SLC30A6: variants seen among roughly 807,000 people sequenced by gnomAD.
The protein encoded by SLC30A6 is solute carrier family 30 member 6, also known as zinc transporter 6.
Under a neutral mutation model 63.0 loss-of-function variants are expected in SLC30A6, and 55 were observed. That is an observed-to-expected ratio of 0.87 (90% CI 0.70 to 1.09). SLC30A6 has a LOEUF of 1.09. SLC30A6 is among the 50% of genes least tolerant of loss of function. The pLI is 0.00. For missense variants in SLC30A6, 587 were observed against 549.2 expected (o/e 1.07, Z -0.69); for synonymous variants, 224 against 186.1 (o/e 1.20, Z -1.66).
chr2:32,200,240 G>T (rs1049594067), intron 10 of SLC30A6, among the ~76,000 whole-genome samples: 7 of 151,958 alleles, frequency 4.6e-5, no homozygotes, highest in African/African-American at 1.7e-4. Context: ...TGGTCTTCTA[G>T]TTTTCATTCT....
chr2:32,197,842 T>C lies in SLC30A6; in HGVS notation c.665+16T>C, dbSNP rs1324636318. ...TTGAAATTAAGTGAGTATTTTTTAT[T>C]GTTGTCAAGTATGTTTTGATTTCTG... On this transcript the variant is annotated intron_variant, in intron 10 of 13. Transcript: ENST00000282587. 34 of 1,612,662 alleles carry C rather than the reference T, an allele frequency of 2.1e-5. No homozygotes were observed. Among genetic ancestry groups the C allele is most frequent in the Non-Finnish European group, 2.8e-5 (33 of 1,179,428 alleles).
chr2:32,188,402 T>G (rs996155748), intron 5 of SLC30A6, among the ~76,000 whole-genome samples: 7 of 152,078 alleles, frequency 4.6e-5, no homozygotes, highest in Admixed American at 6.6e-5. Context: ...CTTTAAAAGG[T>G]AAATTTCAGA....
chr2:32,202,074 T>A (rs1573372543), intron 10 of SLC30A6: 1 of 842,322 alleles, frequency 1.2e-6, no homozygotes, highest in Non-Finnish European at 1.8e-6. Flanking sequence ...ATGAATCAAG[T>A]GATAAGAAGC....
In SLC30A6 at chr2:32,192,329, G is replaced by A; in HGVS notation, c.285-7G>A. 1 of 1,613,616 alleles carries A rather than the reference G, an allele frequency of 6.2e-7. No homozygotes were observed. Among genetic ancestry groups the A allele is most frequent in the Non-Finnish European group, 8.5e-7 (1 of 1,179,638 alleles). On this transcript the variant is annotated splice_polypyrimidine_tract_variant and splice_region_variant and intron_variant, in intron 5 of 13. Transcript: ENST00000282587. ...TTGTGATGATCTAATTAATGTTTTG[G>A]TTTCAGGTTTGAAAGATTAGAAGTC...
chr2:32,185,206 T>G (rs1470143294), intron 5 of SLC30A6, among the ~76,000 whole-genome samples: 1 of 152,060 alleles, frequency 6.6e-6, no homozygotes, highest in African/African-American at 2.4e-5. Context: ...CAAAAAATGT[T>G]TTTAATTAGC....
chr2:32,203,457 C>A, intron 10 of SLC30A6: 1 of 1,566,100 alleles, frequency 6.4e-7, no homozygotes. Context: ...CAGATACTGA[C>A]AGAAGAGAAA....
chr2:32,204,653 G>A lies in SLC30A6; in HGVS notation c.729G>A (p.Met243Ile). ...IAIALMTFGT[M>I]YPMSVYSGKV... ...TTGCCTTGATGACATTTGGCACTAT[G>A]TATCCCATGAGTGTGTACAGTGGGA... The change falls in exon 11 of 14, where the codon ATG (methionine) becomes ATA (isoleucine). Residue 243 changes from methionine (M) to isoleucine (I), a missense_variant. Met to Ile is a conservative substitution (Grantham distance 10, BLOSUM62 1). Coordinates refer to ENST00000282587, the MANE Select transcript of SLC30A6 (RefSeq NM_017964.5). 1 of 1,612,910 alleles carries A rather than the reference G, an allele frequency of 6.2e-7. No homozygotes were observed. Among genetic ancestry groups the A allele is most frequent in the Middle Eastern group, 1.7e-4 (1 of 6,050 alleles).
intron 13 of SLC30A6, among the ~76,000 whole-genome samples, chr2:32,216,912 G>A (rs1407338937): frequency 2.0e-5 from 3 of 151,068 alleles, no homozygotes; most frequent in Non-Finnish European, 2.9e-5. Flanking sequence ...TTTTTTAGAC[G>A]AAGTCTAGCT....
intron 3 of SLC30A6, among the ~76,000 whole-genome samples, chr2:32,174,670 C>T (rs1681564697): frequency 6.7e-6 from 1 of 148,894 alleles, no homozygotes; most frequent in Non-Finnish European, 1.5e-5. Context: ...TCTCCTGCCT[C>T]AGCCTCCCAA....
chr2:32,183,528 AT>A (rs1257331643), intron 4 of SLC30A6, among the ~76,000 whole-genome samples: 8 of 151,522 alleles, frequency 5.3e-5, no homozygotes, highest in East Asian at 2.0e-4. Flanking sequence ...CTAAAAAAAA[AT>A]ATATAAAAAT....
At chr2:32,204,854 C>G (rs1033960345) in intron 11 of SLC30A6, among the ~76,000 whole-genome samples, 162 bp downstream of exon 11, 1 of 144,222 alleles carries the variant, frequency 6.9e-6, no homozygotes, top group African/African-American at 2.6e-5. Context: ...TGCTCTGTCA[C>G]CTAGACTGGA....
chr2:32,204,310 A>G (rs1684554653), intron 10 of SLC30A6, among the ~76,000 whole-genome samples: 2 of 152,228 alleles, frequency 1.3e-5, no homozygotes, highest in Non-Finnish European at 2.9e-5. Flanking sequence ...TTGACAAAAA[A>G]ATGCCTGACG....
intron 5 of SLC30A6, among the ~76,000 whole-genome samples, chr2:32,184,885 C>T (rs1026590021): frequency 8.5e-5 from 13 of 152,060 alleles, no homozygotes; most frequent in Admixed American, 3.3e-4. Flanking sequence ...AAAAAGTTCA[C>T]GTTAAGTTCT....
intron 11 of SLC30A6, among the ~76,000 whole-genome samples, chr2:32,205,956 A>G (rs1684732041): frequency 1.3e-5 from 2 of 151,626 alleles, no homozygotes; most frequent in African/African-American, 4.8e-5. Context: ...GGCGTGAGCC[A>G]CTGCACCCGG....
At chr2:32,199,799 C>T (rs1346134740) in intron 10 of SLC30A6, among the ~76,000 whole-genome samples, 1 of 152,094 alleles carries the variant, frequency 6.6e-6, no homozygotes, top group East Asian at 1.9e-4. Flanking sequence ...CGTCTCCAAG[C>T]CTTGTGTAAT....
intron 13 of SLC30A6, among the ~76,000 whole-genome samples, chr2:32,213,970 T>C (rs574884559): frequency 3.9e-5 from 6 of 152,108 alleles, no homozygotes; most frequent in Non-Finnish European, 7.4e-5. Flanking sequence ...TGAAACTGCT[T>C]TGTGATGTGT....
chr2:32,207,307 C>T (rs954551197), intron 12 of SLC30A6, among the ~76,000 whole-genome samples: 1 of 151,692 alleles, frequency 6.6e-6, no homozygotes, highest in Non-Finnish European at 1.5e-5. Flanking sequence ...ACCTCCCAGG[C>T]TCAAGCAATT....
In SLC30A6 at chr2:32,175,934, C is replaced by T. The variant is rs763667859; in HGVS notation, c.218+573C>T. Among the ~76,000 whole-genome samples, 87 of 152,108 alleles carry T rather than the reference C, an allele frequency of 5.7e-4. 2 individuals are homozygous for T. The highest frequency in any genetic ancestry group is 3.2e-3 in the Middle Eastern group (1 of 316). On this transcript the variant is annotated intron_variant, in intron 4 of 13. Coordinates refer to ENST00000282587, the MANE Select transcript of SLC30A6 (RefSeq NM_017964.5). ...GTTGCAGTGAGCCGAGATTGTGCCACCACACTCCAGCCTGGGCAACGAGCG... is the reference window on the plus strand; with the variant it reads ...GTTGCAGTGAGCCGAGATTGTGCCATCACACTCCAGCCTGGGCAACGAGCG...
intron 4 of SLC30A6, among the ~76,000 whole-genome samples, chr2:32,180,921 C>T (rs1682253239): frequency 6.6e-6 from 1 of 152,124 alleles, no homozygotes; most frequent in Non-Finnish European, 1.5e-5. Context: ...TTTAGAGGCT[C>T]ACAATCTGCC....
Sources: gnomAD v4.1 joint callset for allele counts (sites outside exome capture counted in the v4.1 genomes callset) on GRCh38, gnomAD v4.1.1 for gene constraint, MANE v1.5 for transcripts, NCBI Gene and HGNC (gene_info 2026-07-23, HGNC 2026-07-21) for gene names.